OR1J2: variants seen among roughly 807,000 people sequenced by gnomAD.
OR1J2 encodes the protein olfactory receptor 1J2.
For missense variants in OR1J2, 304 were observed against 246.1 expected (o/e 1.24, Z -1.57); for synonymous variants, 142 against 99.7 (o/e 1.42, Z -2.52).
chr9:122,466,066 T>C, the OR1J2 span, among the ~76,000 whole-genome samples: 1 of 152,128 alleles, frequency 6.6e-6, no homozygotes, highest in Non-Finnish European at 1.5e-5. Context: ...ATCATCCAGG[T>C]TTTTCTTACC....
the OR1J2 span, among the ~76,000 whole-genome samples, chr9:122,571,516 C>G: frequency 1.6e-3 from 234 of 148,480 alleles, no homozygotes; most frequent in African/African-American, 5.3e-3. Flanking sequence ...TGCCACTGCA[C>G]TCCAGCCTGG....
chr9:122,485,418 A>G, the OR1J2 span, among the ~76,000 whole-genome samples: 1 of 152,240 alleles, frequency 6.6e-6, no homozygotes, highest in South Asian at 2.1e-4. Context: ...AAAATGAGTG[A>G]TAGAACCATG....
the OR1J2 span, among the ~76,000 whole-genome samples, chr9:122,550,029 T>C: frequency 6.6e-6 from 1 of 151,692 alleles, no homozygotes; most frequent in East Asian, 2.0e-4. Context: ...TCATCTAAAA[T>C]TTCTTTCTTC....
chr9:122,537,750 A>T, the OR1J2 span, among the ~76,000 whole-genome samples: 2 of 152,162 alleles, frequency 1.3e-5, no homozygotes, highest in South Asian at 2.1e-4. Context: ...TCTTGGAATC[A>T]TGGCTGAGGA....
At chr9:122,474,162 A>G in the OR1J2 span, among the ~76,000 whole-genome samples, 11,301 of 152,172 alleles carry the variant, frequency 0.074, 469 homozygotes, top group African/African-American at 0.081. Context: ...TATTATGGCT[A>G]TTTTTGCTCT....
chr9:122,569,832 C>T, the OR1J2 span, among the ~76,000 whole-genome samples: 75 of 151,358 alleles, frequency 5.0e-4, no homozygotes, highest in Non-Finnish European at 4.9e-4. Context: ...CTCCCCCCTG[C>T]CCCCACCCCA....
chr9:122,493,236 T>TC, the OR1J2 span, among the ~76,000 whole-genome samples: 1 of 152,166 alleles, frequency 6.6e-6, no homozygotes, highest in Non-Finnish European at 1.5e-5. Flanking sequence ...TAGGAAGGAT[T>TC]CCCCCTTTCT....
At chr9:122,477,776 G>A in the OR1J2 span, 2 of 1,614,036 alleles carry the variant, frequency 1.2e-6, no homozygotes, top group South Asian at 1.1e-5. Context: ...TGAGAGTCTA[G>A]CTGGATGAGC....
chr9:122,508,014 A>C (rs1327428405), upstream of OR1J2, among the ~76,000 whole-genome samples: 1 of 151,998 alleles, frequency 6.6e-6, no homozygotes, highest in Non-Finnish European at 1.5e-5. Context: ...CCAAAGTTTT[A>C]TGATGACCAA....
chr9:122,564,066 T>C, the OR1J2 span, among the ~76,000 whole-genome samples: 7 of 152,290 alleles, frequency 4.6e-5, no homozygotes, highest in South Asian at 1.5e-3. Context: ...CCAAGGTAAC[T>C]GTGCATTGGG....
chr9:122,550,545 C>T, the OR1J2 span, among the ~76,000 whole-genome samples: 2 of 144,734 alleles, frequency 1.4e-5, no homozygotes, highest in African/African-American at 5.2e-5. Context: ...AAAGATAATA[C>T]ACCATGATCA....
chr9:122,525,220 G>C, the OR1J2 span, among the ~76,000 whole-genome samples: 1 of 152,160 alleles, frequency 6.6e-6, no homozygotes, highest in Non-Finnish European at 1.5e-5. Context: ...GAATCCTCGC[G>C]TACTAAGATG....
At chr9:122,526,290 C>A in the OR1J2 span, 2 of 946,414 alleles carry the variant, frequency 2.1e-6, no homozygotes, top group South Asian at 2.6e-5. Flanking sequence ...TGTGGTAGAC[C>A]CCAAAATGAA....
downstream of OR1J2, among the ~76,000 whole-genome samples, chr9:122,512,977 T>G (rs1459210715): frequency 6.6e-6 from 1 of 152,234 alleles, no homozygotes; most frequent in Non-Finnish European, 1.5e-5. Context: ...TGTGTATTGG[T>G]TAGAAAACAC....
the OR1J2 span, among the ~76,000 whole-genome samples, chr9:122,452,170 G>A: frequency 7.9e-5 from 12 of 152,252 alleles, no homozygotes; most frequent in East Asian, 1.9e-4. Context: ...GAGTCACCGC[G>A]CCCAGCCCAA....
the OR1J2 span, among the ~76,000 whole-genome samples, chr9:122,464,599 C>T: frequency 5.3e-5 from 8 of 152,188 alleles, no homozygotes; most frequent in Admixed American, 3.9e-4. Context: ...GCCTCCTATC[C>T]GCCATTTTCC....
the OR1J2 span, among the ~76,000 whole-genome samples, chr9:122,578,619 G>T: frequency 6.6e-6 from 1 of 152,030 alleles, no homozygotes; most frequent in Non-Finnish European, 1.5e-5. Context: ...ATACTATTTG[G>T]CCATAAAAAG....
chr9:122,505,899 T>A (rs559314870), upstream of OR1J2, among the ~76,000 whole-genome samples: 1 of 152,330 alleles, frequency 6.6e-6, no homozygotes, highest in Non-Finnish European at 1.5e-5. Context: ...TTTCATTTCT[T>A]CCTTGAAAAC....
chr9:122,492,291 G>A, the OR1J2 span, among the ~76,000 whole-genome samples: 1 of 152,106 alleles, frequency 6.6e-6, no homozygotes, highest in African/African-American at 2.4e-5. Context: ...TTAGGATAAT[G>A]ACCTCCAGCT....
Sources: gnomAD v4.1 joint callset for allele counts (sites outside exome capture counted in the v4.1 genomes callset) on GRCh38, gnomAD v4.1.1 for gene constraint, MANE v1.5 for transcripts, NCBI Gene and HGNC (gene_info 2026-07-23, HGNC 2026-07-21) for gene names.